The following ENTREP2 variants were observed in gnomAD, a reference collection of about 807,000 sequenced individuals.
The protein encoded by ENTREP2 is protein ENTREP2.
the ENTREP2 span, among the ~76,000 whole-genome samples, chr15:29,477,741 T>C: frequency 6.6e-6 from 1 of 152,006 alleles, no homozygotes; most frequent in African/African-American, 2.4e-5. Context: ...GCCCACCCCA[T>C]ACACAGGGGA....
the ENTREP2 span, among the ~76,000 whole-genome samples, chr15:29,637,399 G>A: frequency 6.6e-6 from 1 of 152,094 alleles, no homozygotes; most frequent in African/African-American, 2.4e-5. Context: ...CAGAGAGTGG[G>A]GCACACACCT....
the ENTREP2 span, among the ~76,000 whole-genome samples, chr15:29,209,934 C>A: frequency 3.7e-4 from 57 of 152,262 alleles, no homozygotes; most frequent in Non-Finnish European, 3.2e-4. Flanking sequence ...AAGTTGGATG[C>A]AAAAGTGTCA....
At chr15:29,595,067 C>CA in the ENTREP2 span, among the ~76,000 whole-genome samples, 1,800 of 86,356 alleles carry the variant, frequency 0.021, 97 homozygotes, top group East Asian at 0.12. Flanking sequence ...GACTCCGTCT[C>CA]AAAAAAAAAA....
chr15:29,469,147 C>T, the ENTREP2 span, among the ~76,000 whole-genome samples: 3 of 152,110 alleles, frequency 2.0e-5, no homozygotes, highest in Middle Eastern at 3.2e-3. Flanking sequence ...GAGGGAAATA[C>T]GCCAGTCACA....
At chr15:29,242,548 T>C in the ENTREP2 span, among the ~76,000 whole-genome samples, 6 of 152,174 alleles carry the variant, frequency 3.9e-5, no homozygotes, top group African/African-American at 1.4e-4. Context: ...TGAAACAGCA[T>C]GTTTGCTTGA....
At chr15:29,546,030 CT>C in the ENTREP2 span, among the ~76,000 whole-genome samples, 123 of 152,272 alleles carry the variant, frequency 8.1e-4, no homozygotes, top group African/African-American at 2.7e-3. Context: ...CTACTGCTGC[CT>C]TTGCCACAGA....
chr15:29,119,904 A>C, the ENTREP2 span, among the ~76,000 whole-genome samples: 1 of 152,288 alleles, frequency 6.6e-6, no homozygotes, highest in East Asian at 1.9e-4. Flanking sequence ...AGCTGAGGAC[A>C]TGCAGGCAGG....
At chr15:29,282,772 C>T in the ENTREP2 span, among the ~76,000 whole-genome samples, 11 of 152,282 alleles carry the variant, frequency 7.2e-5, no homozygotes, top group Middle Eastern at 3.4e-3. Flanking sequence ...TCAGGCATAC[C>T]GGTCTGTTCT....
chr15:29,432,947 G>A, the ENTREP2 span, among the ~76,000 whole-genome samples: 1 of 152,204 alleles, frequency 6.6e-6, no homozygotes, highest in African/African-American at 2.4e-5. Flanking sequence ...TTCTCTACCT[G>A]CTCATCGCAC....
At chr15:29,549,162 G>A in the ENTREP2 span, among the ~76,000 whole-genome samples, 55 of 152,194 alleles carry the variant, frequency 3.6e-4, no homozygotes, top group Non-Finnish European at 7.5e-4. Context: ...AATGCTTTTA[G>A]ACCACGTTGC....
chr15:29,485,979 T>C, the ENTREP2 span, among the ~76,000 whole-genome samples: 1 of 152,248 alleles, frequency 6.6e-6, no homozygotes, highest in African/African-American at 2.4e-5. Context: ...AAAACAGAAC[T>C]ACCATATGAT....
the ENTREP2 span, among the ~76,000 whole-genome samples, chr15:29,270,097 C>T: frequency 5.5e-3 from 831 of 150,100 alleles, 5 homozygotes; most frequent in African/African-American, 0.019. Context: ...CATTTGTAAA[C>T]GGAAAGAATT....
chr15:29,668,259 CG>C, the ENTREP2 span, among the ~76,000 whole-genome samples: 2 of 152,158 alleles, frequency 1.3e-5, no homozygotes, highest in African/African-American at 4.8e-5. Flanking sequence ...ATTGCCAGTC[CG>C]GGGAAACGCA....
chr15:29,269,597 G>T, the ENTREP2 span: 1 of 1,554,760 alleles, frequency 6.4e-7, no homozygotes, highest in Non-Finnish European at 8.7e-7. Flanking sequence ...CTGAGAACCC[G>T]GGCGTCTTCC....
At chr15:29,400,343 A>G in the ENTREP2 span, among the ~76,000 whole-genome samples, 1 of 152,242 alleles carries the variant, frequency 6.6e-6, no homozygotes, top group African/African-American at 2.4e-5. Flanking sequence ...CACAGATTTA[A>G]TAAGAGGTGA....
At chr15:29,478,026 T>TATATATATATATATATATA in the ENTREP2 span, among the ~76,000 whole-genome samples, 7 of 125,616 alleles carry the variant, frequency 5.6e-5, no homozygotes, top group African/African-American at 2.2e-4. Context: ...TATATTTTTT[T>TATATATATATATATATATA]TTTTTTTTTT....
the ENTREP2 span, chr15:29,570,044 CCA>C: frequency 3.0e-4 from 35 of 117,562 alleles, 1 homozygote; most frequent in African/African-American, 1.1e-3. Flanking sequence ...CCCCGCCCCC[CCA>C]CCCCACCCCC....
At chr15:29,619,788 A>T in the ENTREP2 span, among the ~76,000 whole-genome samples, 1 of 151,894 alleles carries the variant, frequency 6.6e-6, no homozygotes, top group Non-Finnish European at 1.5e-5. Flanking sequence ...TCTCATCACC[A>T]GGCTCATCCT....
At chr15:29,489,924 C>T in the ENTREP2 span, among the ~76,000 whole-genome samples, 1 of 152,200 alleles carries the variant, frequency 6.6e-6, no homozygotes, top group South Asian at 2.1e-4. Context: ...AAGATCACCA[C>T]AAAAATGTTC....
Sources: gnomAD v4.1 joint callset for allele counts (sites outside exome capture counted in the v4.1 genomes callset) on GRCh38, gnomAD v4.1.1 for gene constraint, MANE v1.5 for transcripts, NCBI Gene and HGNC (gene_info 2026-07-23, HGNC 2026-07-21) for gene names.